Variants in EHD1 observed in about 807,000 individuals in gnomAD.
The protein encoded by EHD1 is EH domain-containing protein 1.
Under a neutral mutation model 39.0 loss-of-function variants are expected in EHD1, and 19 were observed. The observed-to-expected ratio is 0.49, with a 90% confidence interval of 0.34 to 0.72. EHD1 has a LOEUF of 0.72. EHD1 is among the 30% of genes least tolerant of loss of function. EHD1 has a pLI of 0.01. For missense variants in EHD1, 542 were observed against 751.5 expected (o/e 0.72, Z 3.26); for synonymous variants, 323 against 331.2 (o/e 0.98, Z 0.27).
upstream of EHD1, chr11:64,879,633 G>C (rs1386154194): frequency 5.2e-6 from 8 of 1,550,908 alleles, no homozygotes; most frequent in East Asian, 4.9e-5. Flanking sequence ...TGTTCCATGG[G>C]GCTCACTCCC....
intron 1 of EHD1, among the ~76,000 whole-genome samples, chr11:64,876,395 C>T (rs191125997): frequency 1.3e-3 from 205 of 152,346 alleles, no homozygotes; most frequent in African/African-American, 4.4e-3. Flanking sequence ...AGGGCCCTTT[C>T]GGCAGGGCCA....
chr11:64,854,235 T>TCA lies in EHD1; in HGVS notation c.*96_*97dup. 1 of 1,452,634 alleles carries TCA rather than the reference T, an allele frequency of 6.9e-7. No individual in the cohort carries two copies. Among genetic ancestry groups the TCA allele is most frequent in the Non-Finnish European group, 9.0e-7 (1 of 1,105,100 alleles). 90.0% of individuals were successfully genotyped at this position (1,452,634 alleles called of 1,614,324 possible). On this transcript the variant is annotated 3_prime_UTR_variant, in exon 5 of 5. Coordinates refer to ENST00000320631, the MANE Select transcript of EHD1 (RefSeq NM_006795.4). ...TTTCGAGAGGCGAGGAAACATCCGCTCAGTCTTTATGGACCTTGAGAAATG... is the reference window on the plus strand; with the variant it reads ...TTTCGAGAGGCGAGGAAACATCCGCTCACAGTCTTTATGGACCTTGAGAAATG...
In EHD1 at chr11:64,878,269, G is replaced by A; in HGVS notation, c.196C>T (p.Gln66Ter). The A allele has an allele frequency of 6.2e-7, 1 of 1,614,166 alleles. No homozygotes were observed. The highest frequency in any genetic ancestry group is 8.5e-7 in the Non-Finnish European group (1 of 1,180,030). ...DNKPMVLLVG[Q>*]YSTGKTTFIR... ...AAGGTGGTCTTGCCCGTGCTGTACTGCCCCACGAGGAGCACCATAGGCTTG... is the reference window on the plus strand; with the variant it reads ...AAGGTGGTCTTGCCCGTGCTGTACTACCCCACGAGGAGCACCATAGGCTTG... Residue 66 changes from glutamine to a stop codon, truncating the protein, a stop_gained, in exon 1 of 5, where the codon CAG becomes TAG. Coordinates refer to ENST00000320631, the MANE Select transcript of EHD1 (RefSeq NM_006795.4). LOFTEE classifies it high-confidence loss of function.
intron 3 of EHD1, among the ~76,000 whole-genome samples, chr11:64,857,935 G>A (rs1270672090): frequency 2.0e-5 from 3 of 151,960 alleles, no homozygotes; most frequent in South Asian, 2.1e-4. Flanking sequence ...AACTGGGGAC[G>A]TATCACCAAA....
chr11:64,866,323 C>T (rs1943766283), intron 2 of EHD1, among the ~76,000 whole-genome samples: 1 of 152,082 alleles, frequency 6.6e-6, no homozygotes, highest in Non-Finnish European at 1.5e-5. Context: ...GGGTGTGAAA[C>T]ATTGAGTACA....
At chr11:64,855,531 G>GC in intron 3 of EHD1, 45 bp from the exon 4 acceptor site, 1 of 1,607,544 alleles carries the variant, frequency 6.2e-7, no homozygotes, top group South Asian at 1.1e-5. Context: ...GGCCCAGGCT[G>GC]CCCCCGAGAG....
chr11:64,854,108 A>T lies in EHD1; in HGVS notation c.*225T>A. On this transcript the variant is annotated 3_prime_UTR_variant, in exon 5 of 5. Coordinates refer to ENST00000320631, the MANE Select transcript of EHD1 (RefSeq NM_006795.4). The stretch of plus-strand genomic sequence containing the variant: ...AAGAACGCAGCCTCTAACGTTATAT[A>T]TTAAAATAGCCACAGTTCTTGTGCA... 1 of 768,566 alleles carries T rather than the reference A, an allele frequency of 1.3e-6. No homozygotes were observed. The highest frequency in any genetic ancestry group is 2.0e-6 in the Non-Finnish European group (1 of 495,102). The allele number at this position is 768,566 out of a possible 1,614,324, so 47.6% of individuals were successfully genotyped here.
At chr11:64,855,536 C>G (rs752721755) in intron 3 of EHD1, 50 bp from the exon 4 acceptor site, 1 of 1,607,168 alleles carries the variant, frequency 6.2e-7, no homozygotes. Flanking sequence ...AGGCTGCCCC[C>G]GAGAGCAGAG....
At chr11:64,858,199 T>TTTTTTG (rs1943675226) in intron 3 of EHD1, among the ~76,000 whole-genome samples, 2 of 148,794 alleles carry the variant, frequency 1.3e-5, no homozygotes, top group Non-Finnish European at 3.0e-5. Flanking sequence ...TCTTTTTTTT[T>TTTTTTG]GAGACAGAGT....
intron 1 of EHD1, among the ~76,000 whole-genome samples, chr11:64,875,120 G>A (rs991867725): frequency 2.6e-5 from 4 of 152,218 alleles, no homozygotes; most frequent in African/African-American, 9.7e-5. Context: ...CCGTGGAGAG[G>A]CTGGCGACTT....
chr11:64,860,057 G>GGGTGGGACCAGAAGGAGCC lies in EHD1; in HGVS notation c.763_781dup (p.Pro261ArgfsTer18). 6.2e-7 allele frequency: 1 copy of GGGTGGGACCAGAAGGAGCC among 1,614,154 alleles called. No individual in the cohort carries two copies. The highest frequency in any genetic ancestry group is 8.5e-7 in the Non-Finnish European group (1 of 1,180,036). On this transcript the variant is annotated frameshift_variant, in exon 3 of 5. Coordinates refer to ENST00000320631, the MANE Select transcript of EHD1 (RefSeq NM_006795.4). LOFTEE classifies it high-confidence loss of function. ...CTTGCGGTTGTCGGGGATGAGGAGC[G>GGGTGGGACCAGAAGGAGCC]GGTGGGACCAGAAGGAGCCGATGTA...
At chr11:64,876,966 A>G (rs1470193110) in intron 1 of EHD1, among the ~76,000 whole-genome samples, 4 of 152,202 alleles carry the variant, frequency 2.6e-5, no homozygotes, top group Admixed American at 2.6e-4. Context: ...GCTTGGCTCT[A>G]GGGCAAGCTG....
rs1462611164 is a variant in EHD1, at chr11:64,855,423, T to C, written c.979A>G (p.Lys327Glu). Residue 327 changes from lysine to glutamate, a missense_variant, in exon 4 of 5, where the codon AAA (lysine) becomes GAA (glutamate). Lys to Glu is a moderately conservative substitution (Grantham distance 56). Transcript: ENST00000320631. ...AGGTTGTTCACCAGCTCTTTCTTTT[T>C]GCTCTCTTTACCAAAGACATTGGGC... The part of the protein sequence containing the change: ...EMPNVFGKES[K>E]KKELVNNLGE... 1 of 1,614,012 alleles carries C rather than the reference T, an allele frequency of 6.2e-7. No homozygotes were observed. Among genetic ancestry groups the C allele is most frequent in the African/African-American group, 1.3e-5 (1 of 74,952 alleles).
At chr11:64,866,764 C>T (rs897863187) in intron 2 of EHD1, among the ~76,000 whole-genome samples, 1 of 152,112 alleles carries the variant, frequency 6.6e-6, no homozygotes, top group Non-Finnish European at 1.5e-5. Context: ...CACCAAACCC[C>T]ACCACACTCC....
intron 2 of EHD1, among the ~76,000 whole-genome samples, chr11:64,866,384 A>G (rs1334111159): frequency 6.6e-6 from 1 of 152,180 alleles, no homozygotes; most frequent in Non-Finnish European, 1.5e-5. Flanking sequence ...TTGAGGGTGG[A>G]ATGGGTGAGG....
chr11:64,878,031 C>A (rs1361422660), intron 1 of EHD1, 30 bp downstream of exon 1: 2 of 1,484,038 alleles, frequency 1.3e-6, no homozygotes, highest in African/African-American at 1.4e-5. Flanking sequence ...CCGGACGCGC[C>A]CCCCGCCCCC....
rs942189964 is a variant in EHD1, at chr11:64,878,478, G to T, written c.-14C>A. 1 of 1,588,224 alleles carries T rather than the reference G, an allele frequency of 6.3e-7. No individual in the cohort carries two copies. Among genetic ancestry groups the T allele is most frequent in the Non-Finnish European group, 8.6e-7 (1 of 1,167,788 alleles). ...CCAGCTGAACATACTGCCGGACACG[G>T]GGCTGGCTGCTGCGGGGCAGAGCGG... On this transcript the variant is annotated 5_prime_UTR_variant, in exon 1 of 5. Coordinates refer to ENST00000320631, the MANE Select transcript of EHD1 (RefSeq NM_006795.4).
At chr11:64,869,187 C>T (rs1943800908) in intron 2 of EHD1, among the ~76,000 whole-genome samples, 1 of 152,262 alleles carries the variant, frequency 6.6e-6, no homozygotes, top group Non-Finnish European at 1.5e-5. Flanking sequence ...CTCCCCAGCC[C>T]ACCGCCAGTG....
intron 1 of EHD1, among the ~76,000 whole-genome samples, chr11:64,877,286 T>C (rs1053789562): frequency 6.6e-6 from 1 of 152,096 alleles, no homozygotes; most frequent in Non-Finnish European, 1.5e-5. Context: ...TGGAGCTCAC[T>C]CTCCTCGCGT....
Sources: allele counts gnomAD v4.1 joint callset (sites outside exome capture counted in the v4.1 genomes callset), GRCh38; gene constraint gnomAD v4.1.1; transcripts MANE v1.5; gene names NCBI Gene and HGNC (gene_info 2026-07-23, HGNC 2026-07-21).